Variants in AHI1 observed in about 807,000 individuals in gnomAD.
The protein encoded by AHI1 is jouberin.
In AHI1, 123 loss-of-function variants were observed where a neutral mutation model predicts 149.3. The observed-to-expected ratio is 0.82, with a 90% CI of 0.71 to 0.96. The LOEUF (loss-of-function observed/expected upper bound fraction) is 0.96. AHI1 is among the 40% of genes least tolerant of loss of function. The probability of loss-of-function intolerance (pLI) is 0.00; values close to 1 mark genes in which losing one functional copy is unlikely to be tolerated. For synonymous variants in AHI1, 475 were observed against 459.8 expected (o/e 1.03, Z -0.42); for missense variants, 1,439 against 1,422.7 (o/e 1.01, Z -0.18).
rs1773819417 is a variant in AHI1 at position 135,364,546 on chromosome 6, G to A, written c.3110-6359C>T. ...TTTGGGAGGCCAAGGCAGGCGGCTG[G>A]GAGGTGGAGGTTGTAGCGAGCCGAG... is the stretch of plus-strand genomic sequence containing the variant. On this transcript the variant is annotated intron_variant, in intron 23 of 28. Transcript: ENST00000265602. Among the ~76,000 whole-genome samples the A allele has an allele frequency of 2.0e-5, 3 of 150,606 alleles. No homozygotes were observed. The South Asian group carries it at 6.4e-4, about 32-fold the overall frequency.
At position 135,448,510 on chromosome 6, in the gene AHI1, A is replaced by G. The variant is rs189523623; in HGVS notation, c.1441-35T>C. ...AGAATTCATATAAAATGTTACCTTCATTGAAAATAAATATATCCAATAAAG... is the reference window on the plus strand; with the variant it reads ...AGAATTCATATAAAATGTTACCTTCGTTGAAAATAAATATATCCAATAAAG... On this transcript the variant is annotated intron_variant, in intron 11 of 28. Transcript: ENST00000265602. 3.6e-6 allele frequency: 5 copies of G among 1,379,724 alleles called. No homozygotes were observed. In the East Asian group the frequency reaches 1.2e-4, roughly 33 times the overall value. The allele number at this position is 1,379,724 out of a possible 1,614,324, so 85.5% of individuals were successfully genotyped here. A position where few individuals can be genotyped will look rare whatever the true frequency, so the allele number is the denominator to read the frequency against.
intron 22 of AHI1, among the ~76,000 whole-genome samples, chr6:135,402,381 G>A (rs1017582821): frequency 2.6e-5 from 4 of 152,144 alleles, no homozygotes; most frequent in East Asian, 3.8e-4. Context: ...ATGTTTGTAG[G>A]AGTATTATCT....
At chr6:135,363,183 G>T (rs1794193879) in intron 23 of AHI1, among the ~76,000 whole-genome samples, 1 of 151,264 alleles carries the variant, frequency 6.6e-6, no homozygotes, top group Admixed American at 6.6e-5. Flanking sequence ...TTCCTAGGCA[G>T]AGGACCCTGC....
intron 24 of AHI1, among the ~76,000 whole-genome samples, chr6:135,323,723 C>T (rs1787227201): frequency 6.6e-6 from 1 of 152,102 alleles, no homozygotes; most frequent in South Asian, 2.1e-4. Flanking sequence ...AGAAGGTCTA[C>T]AGTTTTACAA....
chr6:135,318,673 GA>G lies in AHI1; in HGVS notation c.3329-58del, dbSNP rs1373293392. On this transcript the variant is annotated intron_variant, in intron 25 of 28. Coordinates refer to ENST00000265602, the MANE Select transcript of AHI1 (RefSeq NM_001134831.2). ...AATTGAGGAGCACTGCTCCATGGGG[GA>G]AAAACAACGATGGTAGGGGCAAATA... is the stretch of plus-strand genomic sequence containing the variant. 3 of 1,026,440 alleles carry G rather than the reference GA, an allele frequency of 2.9e-6. No individual in the cohort carries two copies. In the African/African-American group the frequency reaches 4.9e-5, roughly 17 times the overall value. 63.6% of individuals were successfully genotyped at this position (1,026,440 alleles called of 1,614,324 possible). A position where few individuals can be genotyped will look rare whatever the true frequency, so the allele number is the denominator to read the frequency against.
At chr6:135,422,049 A>G (rs181887520) in intron 20 of AHI1, among the ~76,000 whole-genome samples, 3 of 152,322 alleles carry the variant, frequency 2.0e-5, no homozygotes, top group Admixed American at 2.0e-4. Context: ...ATGTATTTCT[A>G]CATTTGTAGA....
chr6:135,328,634 T>C (rs911973312), intron 24 of AHI1, among the ~76,000 whole-genome samples: 2 of 152,050 alleles, frequency 1.3e-5, no homozygotes, highest in African/African-American at 4.8e-5. Context: ...TGAGATATAA[T>C]GGTATTGAAA....
At chr6:135,418,383 T>C (rs1782681302) in intron 20 of AHI1, among the ~76,000 whole-genome samples, 3 of 152,260 alleles carry the variant, frequency 2.0e-5, no homozygotes, top group East Asian at 3.9e-4. Flanking sequence ...TAGGCTATCA[T>C]TTGGGATTCA....
At chr6:135,495,934 A>G (rs1370468819) in intron 2 of AHI1, 36 bp from the exon 3 acceptor site, 1 of 152,222 alleles carries the variant, frequency 6.6e-6, no homozygotes, top group South Asian at 2.1e-4. Context: ...AAAGCAAAGT[A>G]ATCAGTACAT....
chr6:135,478,005 T>C (rs1390517452), intron 5 of AHI1, among the ~76,000 whole-genome samples: 1 of 152,100 alleles, frequency 6.6e-6, no homozygotes, highest in Non-Finnish European at 1.5e-5. Flanking sequence ...TTCACCATGT[T>C]GGCCAGGCTA....
intron 23 of AHI1, among the ~76,000 whole-genome samples, chr6:135,384,082 T>C (rs933124827): frequency 6.6e-6 from 1 of 152,190 alleles, no homozygotes; most frequent in Non-Finnish European, 1.5e-5. Flanking sequence ...CTTTATATAA[T>C]AAAAACCACT....
intron 23 of AHI1, among the ~76,000 whole-genome samples, chr6:135,387,306 C>G (rs143068724): frequency 0.011 from 1,648 of 152,266 alleles, 18 homozygotes; most frequent in Non-Finnish European, 0.019. Flanking sequence ...CTAAGAGAAA[C>G]AGAGGCTAGC....
chr6:135,332,645 C>T (rs1788774025), intron 24 of AHI1, among the ~76,000 whole-genome samples: 1 of 152,202 alleles, frequency 6.6e-6, no homozygotes, highest in East Asian at 1.9e-4. Context: ...GAAAGAGAGC[C>T]AACTTCCCAA....
intron 28 of AHI1, among the ~76,000 whole-genome samples, chr6:135,288,829 G>T (rs1562435769): frequency 6.7e-6 from 1 of 150,306 alleles, no homozygotes; most frequent in African/African-American, 2.4e-5. Flanking sequence ...TGCACATTTT[G>T]AAAACAAAAC....
At chr6:135,491,450 G>C (rs1373452436) in intron 4 of AHI1, among the ~76,000 whole-genome samples, 2 of 152,102 alleles carry the variant, frequency 1.3e-5, no homozygotes, top group Admixed American at 6.6e-5. Flanking sequence ...CACCTGGCTG[G>C]TGTTAACCTG....
chr6:135,333,502 T>A (rs576970838), intron 24 of AHI1, among the ~76,000 whole-genome samples: 2 of 152,312 alleles, frequency 1.3e-5, no homozygotes, highest in African/African-American at 4.8e-5. Context: ...TATTTTTAAC[T>A]GATCTTATCT....
intron 5 of AHI1, among the ~76,000 whole-genome samples, chr6:135,483,772 T>C (rs2128125981): frequency 6.6e-6 from 1 of 152,274 alleles, no homozygotes; most frequent in South Asian, 2.1e-4. Context: ...GATTCCACAA[T>C]CCATCACTTC....
In AHI1 at chr6:135,411,367, TG is replaced by T; in HGVS notation, c.2941del (p.Gln981ArgfsTer9). 6.2e-7 allele frequency: 1 copy of T among 1,613,852 alleles called. No homozygotes were observed. The highest frequency in any genetic ancestry group is 8.5e-7 in the Non-Finnish European group (1 of 1,179,756). ...SSSTKMQLVK[Q>X]RLETVTEVIR... ...ACTTACTGTGACAGTTTCAAGCCTC[TG>T]TTTTACTAGCTGCATCTTCGTTGAA... On this transcript the variant is annotated frameshift_variant, in exon 21 of 29. Coordinates refer to ENST00000265602, the MANE Select transcript of AHI1 (RefSeq NM_001134831.2). LOFTEE classifies it high-confidence loss of function.
At chr6:135,483,487 T>C (rs1225779611) in intron 5 of AHI1, among the ~76,000 whole-genome samples, 1 of 152,168 alleles carries the variant, frequency 6.6e-6, no homozygotes, top group Non-Finnish European at 1.5e-5. Flanking sequence ...TGAGAGAGGA[T>C]AAAATCAAGA....
Sources: allele counts gnomAD v4.1 joint callset (sites outside exome capture counted in the v4.1 genomes callset), GRCh38; gene constraint gnomAD v4.1.1; transcripts MANE v1.5; gene names NCBI Gene and HGNC (gene_info 2026-07-23, HGNC 2026-07-21).